FOXN3: variants seen among roughly 807,000 people sequenced by gnomAD.
FOXN3 encodes the protein forkhead box N3.
In FOXN3, 7 loss-of-function variants were observed where a neutral mutation model predicts 38.4. The observed-to-expected ratio is 0.18, with a 90% CI of 0.10 to 0.34. The LOEUF is 0.34. Among genes scored for constraint, FOXN3 ranks in the 10% least tolerant of loss-of-function variants. The probability of loss-of-function intolerance (pLI) is 1.00; values close to 1 mark genes in which losing one functional copy is unlikely to be tolerated. For missense variants in FOXN3, 456 were observed against 613.4 expected (o/e 0.74, Z 2.71); for synonymous variants, 230 against 242.2 (o/e 0.95, Z 0.47).
In FOXN3 at chr14:89,265,875, A is replaced by G. The variant is rs560833619; in HGVS notation, c.745+15075T>C. Among the ~76,000 whole-genome samples, 17 of 152,348 alleles carry G rather than the reference A, an allele frequency of 1.1e-4. No individual in the cohort carries two copies. In the South Asian group the frequency reaches 3.1e-3, roughly 28 times the overall value. ...AGTTAAAACAATTTCCAAGAGGCCC[A>G]GAATCTTAGTTGATGATGACATTCA... On this transcript the variant is annotated intron_variant, in intron 4 of 5. Coordinates refer to ENST00000557258, the MANE Select transcript of FOXN3 (RefSeq NM_005197.4).
At chr14:89,581,568 C>T (rs926068777) in intron 1 of FOXN3, among the ~76,000 whole-genome samples, 2 of 152,150 alleles carry the variant, frequency 1.3e-5, no homozygotes, top group South Asian at 2.1e-4. Flanking sequence ...ACGTGTCATC[C>T]GACTATTCCC....
chr14:89,418,444 C>G (rs1891819138), upstream of FOXN3, among the ~76,000 whole-genome samples: 1 of 124,826 alleles, frequency 8.0e-6, no homozygotes, highest in Admixed American at 9.7e-5. Context: ...GTCATTCCCC[C>G]TAACAAAGGT....
At chr14:89,260,453 T>C (rs1163958322) in intron 4 of FOXN3, among the ~76,000 whole-genome samples, 1 of 152,206 alleles carries the variant, frequency 6.6e-6, no homozygotes, top group Non-Finnish European at 1.5e-5. Context: ...AGGGGCTCTC[T>C]CTTCTTAGCA....
intron 3 of FOXN3, among the ~76,000 whole-genome samples, chr14:89,333,422 G>GA (rs71301965): frequency 0.2 from 26,406 of 129,054 alleles, 2,617 homozygotes; most frequent in South Asian, 0.32. Context: ...CGTCTCAAAA[G>GA]AAAAAAAAAA....
At chr14:89,432,308 A>G (rs12436625) in intron 1 of FOXN3, among the ~76,000 whole-genome samples, 54,889 of 151,970 alleles carry the variant, frequency 0.36, 10,141 homozygotes, top group African/African-American at 0.43. Context: ...CCCTGCTCCT[A>G]ATTTTCCTAG....
intron 4 of FOXN3, among the ~76,000 whole-genome samples, chr14:89,265,235 G>A (rs747337348): frequency 6.6e-6 from 1 of 152,014 alleles, no homozygotes; most frequent in Admixed American, 6.5e-5. Context: ...AGATTTTATC[G>A]CCTGTGACTG....
chr14:89,287,072 G>T (rs1240648883), intron 3 of FOXN3, among the ~76,000 whole-genome samples: 1 of 152,078 alleles, frequency 6.6e-6, no homozygotes, highest in African/African-American at 2.4e-5. Flanking sequence ...GCAAGCCGGG[G>T]GCAATGTGTG....
chr14:89,448,090 G>T (rs1892544691), intron 1 of FOXN3, among the ~76,000 whole-genome samples: 1 of 151,992 alleles, frequency 6.6e-6, no homozygotes, highest in South Asian at 2.1e-4. Context: ...GGGATTACAG[G>T]CGTGAGCCAC....
chr14:89,417,793 G>A (rs1051241194), upstream of FOXN3: 3 of 454,122 alleles, frequency 6.6e-6, no homozygotes, highest in African/African-American at 2.0e-5. Context: ...CTCGTGTCCC[G>A]GAGGTAAGCA....
Position 89,350,874 on chromosome 14 carries a change from T to C in FOXN3, c.544-66A>G, listed in dbSNP as rs1005085433. 5 of 1,178,914 alleles carry C rather than the reference T, an allele frequency of 4.2e-6. No individual in the cohort carries two copies. In the African/African-American group the frequency reaches 6.4e-5, roughly 15 times the overall value. 73.0% of individuals were successfully genotyped at this position (1,178,914 alleles called of 1,614,324 possible). A position where few individuals can be genotyped will look rare whatever the true frequency, so the allele number is the denominator to read the frequency against. ...TATTAAGTACTTTGCAATAAGTAGA[T>C]GTATAGCTATTATCACTTCTTTATT... On this transcript the variant is annotated intron_variant, in intron 2 of 5. Coordinates refer to ENST00000557258, the MANE Select transcript of FOXN3 (RefSeq NM_005197.4).
rs1445705357 is a variant in FOXN3, at chr14:89,160,102, C to T, written c.*2312G>A. 6.6e-6 allele frequency: 1 copy of T among 151,956 alleles called. No homozygotes were observed. Among genetic ancestry groups the T allele is most frequent in the Non-Finnish European group, 1.5e-5 (1 of 68,042 alleles). 9.4% of individuals were successfully genotyped at this position (151,956 alleles called of 1,614,324 possible). A position where few individuals can be genotyped will look rare whatever the true frequency, so the allele number is the denominator to read the frequency against. ...TAAAAGTTAAGGTCATCTCTGTTCC[C>T]TCCCTCTCCTCACGCATCATATCCT... On this transcript the variant is annotated 3_prime_UTR_variant, in exon 6 of 6. Transcript: ENST00000557258.
At chr14:89,262,395 A>C (rs1885835011) in intron 4 of FOXN3, among the ~76,000 whole-genome samples, 1 of 152,264 alleles carries the variant, frequency 6.6e-6, no homozygotes, top group Non-Finnish European at 1.5e-5. Flanking sequence ...CTTTGCTGCT[A>C]TCACAAAAAT....
chr14:89,519,376 A>G lies in FOXN3; in HGVS notation c.-15+99652T>C, dbSNP rs79247127. 6.0e-3 allele frequency among the ~76,000 whole-genome samples: 906 copies of G among 152,262 alleles called. 5 individuals carry two copies. Among genetic ancestry groups the G allele is most frequent in the Non-Finnish European group, 9.1e-3 (618 of 68,014 alleles). On this transcript the variant is annotated intron_variant, in intron 1 of 6. Coordinates refer to the FOXN3 transcript ENST00000345097. ...TTCAGGGAGGTTGGAAAACCATGAAAAAAAGGGTTGTGAAAAAGAGTGTGA... is the reference window on the plus strand; with the variant it reads ...TTCAGGGAGGTTGGAAAACCATGAAGAAAAGGGTTGTGAAAAAGAGTGTGA...
intron 4 of FOXN3, among the ~76,000 whole-genome samples, chr14:89,243,959 A>AAG: frequency 6.6e-6 from 1 of 152,340 alleles, no homozygotes; most frequent in Non-Finnish European, 1.5e-5. Flanking sequence ...GAATGAAAAC[A>AAG]ATAGAAAGCT....
At chr14:89,409,614 T>G (rs1176157995) in intron 2 of FOXN3, 2 of 152,262 alleles carry the variant, frequency 1.3e-5, no homozygotes, top group Admixed American at 6.5e-5. Flanking sequence ...GCCCTGTTTG[T>G]TGCTTTATCA....
At chr14:89,319,334 G>C (rs912522976) in intron 3 of FOXN3, among the ~76,000 whole-genome samples, 16 of 152,068 alleles carry the variant, frequency 1.1e-4, no homozygotes, top group African/African-American at 3.6e-4. Context: ...AAGGTGCATG[G>C]GGGTGAAGTC....
chr14:89,298,130 A>G (rs145947253), intron 3 of FOXN3, among the ~76,000 whole-genome samples: 2 of 152,252 alleles, frequency 1.3e-5, no homozygotes, highest in Admixed American at 6.5e-5. Context: ...AAACCCTCAC[A>G]TACGTTATAA....
intron 4 of FOXN3, among the ~76,000 whole-genome samples, chr14:89,215,468 A>C (rs1183261550): frequency 6.6e-6 from 1 of 152,106 alleles, no homozygotes; most frequent in African/African-American, 2.4e-5. Flanking sequence ...TTTTCACATC[A>C]TTATATAAAA....
At chr14:89,491,147 T>G (rs1277117795) in intron 1 of FOXN3, among the ~76,000 whole-genome samples, 1 of 151,988 alleles carries the variant, frequency 6.6e-6, no homozygotes, top group Non-Finnish European at 1.5e-5. Flanking sequence ...TTTTGTTTTT[T>G]TTTTTTTAAG....
Sources: allele counts gnomAD v4.1 joint callset (sites outside exome capture counted in the v4.1 genomes callset), GRCh38; gene constraint gnomAD v4.1.1; transcripts MANE v1.5; gene names NCBI Gene and HGNC (gene_info 2026-07-23, HGNC 2026-07-21).